The following LSAMP variants were observed in gnomAD, a reference collection of about 807,000 sequenced individuals.
The protein encoded by LSAMP is limbic system-associated membrane protein.
In LSAMP, 7 loss-of-function variants were observed where a neutral mutation model predicts 38.6. The observed-to-expected ratio is 0.18, with a 90% CI of 0.10 to 0.34. The LOEUF (loss-of-function observed/expected upper bound fraction) is 0.34, where lower values mean the gene tolerates loss of function less well. Ranked by LOEUF, LSAMP falls within the 10% of genes least tolerant of loss-of-function variation. The probability of loss-of-function intolerance (pLI) is 1.00; values close to 1 mark genes in which losing one functional copy is unlikely to be tolerated. For synonymous variants in LSAMP, 154 were observed against 166.8 expected (o/e 0.92, Z 0.59); for missense variants, 313 against 420.0 (o/e 0.75, Z 2.23).
At chr3:116,156,852 G>A (rs375051777) in intron 1 of LSAMP, among the ~76,000 whole-genome samples, 63 of 152,240 alleles carry the variant, frequency 4.1e-4, no homozygotes, top group East Asian at 1.6e-3. Context: ...AAAATGTGTC[G>A]TGTGAAAGGA....
chr3:116,096,650 C>G (rs1708232278), intron 1 of LSAMP, among the ~76,000 whole-genome samples: 1 of 152,208 alleles, frequency 6.6e-6, no homozygotes, highest in Admixed American at 6.5e-5. Flanking sequence ...TCAACCAGAT[C>G]CACTTAGTTT....
chr3:115,967,104 G>C (rs1166907696), intron 3 of LSAMP, among the ~76,000 whole-genome samples: 3 of 152,134 alleles, frequency 2.0e-5, no homozygotes, highest in Non-Finnish European at 4.4e-5. Flanking sequence ...TTGTCAGGCT[G>C]CAAATTTTCC....
chr3:115,928,855 T>C (rs771472499), intron 3 of LSAMP, among the ~76,000 whole-genome samples: 14 of 152,132 alleles, frequency 9.2e-5, no homozygotes, highest in Non-Finnish European at 1.3e-4. Flanking sequence ...AATGTTAAGG[T>C]ATTTTCATTT....
chr3:115,949,409 T>C (rs1205860531), intron 3 of LSAMP, among the ~76,000 whole-genome samples: 1 of 151,968 alleles, frequency 6.6e-6, no homozygotes, highest in Non-Finnish European at 1.5e-5. Flanking sequence ...TTTATTTATT[T>C]ATTTAGATTT....
At chr3:116,197,870 T>C (rs186301539) in intron 1 of LSAMP, among the ~76,000 whole-genome samples, 31 of 152,208 alleles carry the variant, frequency 2.0e-4, no homozygotes, top group African/African-American at 4.8e-4. Context: ...ATAGGATGTA[T>C]AGTATTGTTT....
intron 3 of LSAMP, among the ~76,000 whole-genome samples, chr3:115,950,504 AT>A (rs1343382586): frequency 6.6e-6 from 1 of 152,162 alleles, no homozygotes. Flanking sequence ...CTGCAAAAAA[AT>A]AAATAAATTG....
intron 1 of LSAMP, among the ~76,000 whole-genome samples, chr3:116,198,846 G>A (rs899783089): frequency 1.3e-5 from 2 of 151,522 alleles, no homozygotes; most frequent in African/African-American, 4.8e-5. Context: ...GGGAGCCTGA[G>A]GCAGGAGGGT....
chr3:116,030,671 A>T (rs1277850367), intron 2 of LSAMP, among the ~76,000 whole-genome samples: 1 of 152,164 alleles, frequency 6.6e-6, no homozygotes, highest in Admixed American at 6.6e-5. Flanking sequence ...AGCTCAAAAA[A>T]TATCAGGCTA....
intron 1 of LSAMP, among the ~76,000 whole-genome samples, chr3:116,127,633 A>C (rs1476193995): frequency 1.3e-5 from 2 of 151,872 alleles, no homozygotes; most frequent in Non-Finnish European, 2.9e-5. Flanking sequence ...CTTCTCTCAA[A>C]GTGAAAATTA....
intron 1 of LSAMP, among the ~76,000 whole-genome samples, chr3:116,144,394 A>AT (rs1013151946): frequency 2.6e-5 from 4 of 151,848 alleles, no homozygotes; most frequent in Non-Finnish European, 5.9e-5. Context: ...ATGGTGGTGC[A>AT]TGCCAAAGGT....
chr3:116,128,088 C>T (rs1709047592), intron 1 of LSAMP, among the ~76,000 whole-genome samples: 1 of 152,164 alleles, frequency 6.6e-6, no homozygotes, highest in African/African-American at 2.4e-5. Flanking sequence ...CAAATTTTAA[C>T]ATTTGCTCAT....
At chr3:116,274,495 T>C (rs1328577992) in intron 1 of LSAMP, among the ~76,000 whole-genome samples, 1 of 152,200 alleles carries the variant, frequency 6.6e-6, no homozygotes, top group East Asian at 1.9e-4. Context: ...AAATATGGGT[T>C]CACATGAAAT....
intron 3 of LSAMP, among the ~76,000 whole-genome samples, chr3:115,921,949 T>C (rs995038382): frequency 6.6e-6 from 1 of 152,204 alleles, no homozygotes; most frequent in Non-Finnish European, 1.5e-5. Context: ...TTGTATGTGA[T>C]ATATTGCATT....
chr3:115,918,402 T>C (rs1006861491), intron 3 of LSAMP, among the ~76,000 whole-genome samples: 12 of 152,230 alleles, frequency 7.9e-5, no homozygotes, highest in African/African-American at 2.7e-4. Flanking sequence ...AAATCCAGAT[T>C]CAATCATTCA....
intron 1 of LSAMP, among the ~76,000 whole-genome samples, chr3:116,359,724 G>T (rs1220275777): frequency 6.6e-6 from 1 of 152,112 alleles, no homozygotes; most frequent in Non-Finnish European, 1.5e-5. Context: ...ATGGAGAAAG[G>T]AGTCTGTATT....
chr3:116,235,613 C>T (rs1329457951), intron 1 of LSAMP, among the ~76,000 whole-genome samples: 4 of 152,174 alleles, frequency 2.6e-5, no homozygotes, highest in Admixed American at 6.5e-5. Context: ...AAGGAAATGA[C>T]ATTCCAATAA....
intron 1 of LSAMP, among the ~76,000 whole-genome samples, chr3:116,173,887 C>T (rs1710271006): frequency 6.6e-6 from 1 of 151,596 alleles, no homozygotes; most frequent in Admixed American, 6.6e-5. Flanking sequence ...ACACAGTTAC[C>T]ATTGTTATTG....
At chr3:116,350,514 C>T (rs2048123464) in intron 1 of LSAMP, among the ~76,000 whole-genome samples, 1 of 152,036 alleles carries the variant, frequency 6.6e-6, no homozygotes, top group South Asian at 2.1e-4. Context: ...TTCTGTCCTG[C>T]CTGGGACATA....
chr3:115,819,953 C>G (rs1310993833), intron 6 of LSAMP, among the ~76,000 whole-genome samples: 1 of 151,920 alleles, frequency 6.6e-6, no homozygotes, highest in Non-Finnish European at 1.5e-5. Context: ...AATACTAAGA[C>G]ATGCTCCTAC....
Sources: gnomAD v4.1 joint callset for allele counts (sites outside exome capture counted in the v4.1 genomes callset) on GRCh38, gnomAD v4.1.1 for gene constraint, MANE v1.5 for transcripts, NCBI Gene and HGNC (gene_info 2026-07-23, HGNC 2026-07-21) for gene names.